WNT3: variants seen among roughly 807,000 people sequenced by gnomAD.
WNT3 encodes the protein proto-oncogene Wnt-3.
A neutral mutation model predicts 34.2 loss-of-function variants in WNT3; 7 were observed. That is an observed-to-expected ratio of 0.20 (90% CI 0.12 to 0.38). The LOEUF is 0.38. Ranked by LOEUF, WNT3 falls within the 10% of genes least tolerant of loss-of-function variation. The pLI, the probability that WNT3 is intolerant of heterozygous loss-of-function variation, is 1.00. For missense variants in WNT3, 267 were observed against 499.8 expected, an observed-to-expected ratio of 0.53 and a Z score of 4.44; for synonymous variants, 212 against 211.5, an observed-to-expected ratio of 1.00 and a Z score of -0.02.
intron 1 of WNT3, among the ~76,000 whole-genome samples, chr17:46,794,528 C>T (rs897673168): frequency 6.6e-6 from 1 of 152,172 alleles, no homozygotes; most frequent in Non-Finnish European, 1.5e-5. Flanking sequence ...CTGAGAAGGG[C>T]TCTTCAAGGC....
At chr17:46,776,773 G>T (rs559193132) in intron 1 of WNT3, among the ~76,000 whole-genome samples, 1 of 152,000 alleles carries the variant, frequency 6.6e-6, no homozygotes, top group South Asian at 2.1e-4. Context: ...GGCTGTCCCC[G>T]CTCCTTCCTC....
intron 2 of WNT3, 131 bp downstream of exon 2, chr17:46,773,537 A>C: frequency 1.1e-5 from 12 of 1,066,132 alleles, no homozygotes; most frequent in East Asian, 1.1e-4. Flanking sequence ...CAGTCATGCA[A>C]CCAAATTTAT....
intron 1 of WNT3, among the ~76,000 whole-genome samples, chr17:46,787,959 A>G (rs1209085177): frequency 7.7e-6 from 1 of 129,520 alleles, no homozygotes; most frequent in Non-Finnish European, 1.6e-5. Flanking sequence ...CTGCCTCAGA[A>G]AAAAAAAAAA....
At chr17:46,808,975 G>A (rs549053389) in intron 1 of WNT3, among the ~76,000 whole-genome samples, 18 of 152,256 alleles carry the variant, frequency 1.2e-4, no homozygotes, top group Admixed American at 9.8e-4. Context: ...AGTGGGGTCC[G>A]AGCTGAGCAG....
rs768082439 is a variant in WNT3, at chr17:46,784,323, G to T, written c.81-10414C>A. On this transcript the variant is annotated intron_variant, in intron 1 of 4. Transcript: ENST00000225512. ...TGGGAACAAGACGAGGAAGTGCGTG[G>T]GGCCAGAGGGACTTCCAGGCACCAC... 1.8e-4 allele frequency among the ~76,000 whole-genome samples: 28 copies of T among 152,164 alleles called. 1 individual carries two copies. The highest frequency in any genetic ancestry group is 5.9e-5 in the Non-Finnish European group (4 of 68,036).
At chr17:46,816,646 G>A (rs1329027810) in intron 1 of WNT3, among the ~76,000 whole-genome samples, 4 of 152,050 alleles carry the variant, frequency 2.6e-5, no homozygotes, top group African/African-American at 9.7e-5. Context: ...TTCCTATTGG[G>A]CAATCCCTAT....
intron 1 of WNT3, among the ~76,000 whole-genome samples, chr17:46,783,194 G>A (rs1463144419): frequency 1.3e-5 from 2 of 152,200 alleles, no homozygotes; most frequent in Non-Finnish European, 2.9e-5. Context: ...TGCAGGCCCT[G>A]AGCTGGGACC....
At chr17:46,805,451 T>TA (rs1469902304) in intron 1 of WNT3, among the ~76,000 whole-genome samples, 2 of 151,154 alleles carry the variant, frequency 1.3e-5, no homozygotes, top group Non-Finnish European at 3.0e-5. Flanking sequence ...CGGGCGCCTA[T>TA]AATCCCAGCT....
chr17:46,812,721 G>A (rs2084292742), intron 1 of WNT3, among the ~76,000 whole-genome samples: 1 of 152,156 alleles, frequency 6.6e-6, no homozygotes, highest in Non-Finnish European at 1.5e-5. Context: ...GCAAAAAGAA[G>A]AAAAGGGGAA....
At chr17:46,787,059 T>TC (rs1163144774) in intron 1 of WNT3, among the ~76,000 whole-genome samples, 1 of 151,924 alleles carries the variant, frequency 6.6e-6, no homozygotes, top group African/African-American at 2.4e-5. Flanking sequence ...CACCTCAGCC[T>TC]CCTGAGTAGC....
At chr17:46,804,190 C>T (rs550016141) in intron 1 of WNT3, among the ~76,000 whole-genome samples, 14 of 152,158 alleles carry the variant, frequency 9.2e-5, no homozygotes, top group African/African-American at 3.4e-4. Context: ...TGGGTTCAAG[C>T]GATTCTCCTG....
At chr17:46,779,232 G>A (rs1449189754) in intron 1 of WNT3, among the ~76,000 whole-genome samples, 3 of 152,168 alleles carry the variant, frequency 2.0e-5, no homozygotes, top group Non-Finnish European at 2.9e-5. Flanking sequence ...CCCGGCATCC[G>A]GAGCTTCCGC....
chr17:46,811,417 G>A (rs905164511), intron 1 of WNT3, among the ~76,000 whole-genome samples: 3 of 152,194 alleles, frequency 2.0e-5, no homozygotes, highest in African/African-American at 7.2e-5. Context: ...TTGACATGAG[G>A]GTATGGGGCC....
At chr17:46,789,966 C>T (rs777903729) in intron 1 of WNT3, among the ~76,000 whole-genome samples, 2 of 152,204 alleles carry the variant, frequency 1.3e-5, no homozygotes, top group African/African-American at 4.8e-5. Flanking sequence ...CCCCCCACGG[C>T]GCTGAGGATG....
chr17:46,780,571 G>A (rs1378238583), intron 1 of WNT3, among the ~76,000 whole-genome samples: 4 of 152,102 alleles, frequency 2.6e-5, no homozygotes, highest in Admixed American at 1.3e-4. Flanking sequence ...GGAGGATCAC[G>A]AGGTCAGGAG....
intron 1 of WNT3, among the ~76,000 whole-genome samples, chr17:46,799,694 C>T (rs143378027): frequency 6.6e-6 from 1 of 152,280 alleles, no homozygotes; most frequent in African/African-American, 2.4e-5. Flanking sequence ...ATGATCTGTC[C>T]GCCTTGGCCT....
chr17:46,778,119 C>T (rs1433121825), intron 1 of WNT3, among the ~76,000 whole-genome samples: 2 of 152,192 alleles, frequency 1.3e-5, no homozygotes, highest in East Asian at 1.9e-4. Flanking sequence ...GCTATGGTTA[C>T]GGTGTGTGTG....
intron 1 of WNT3, among the ~76,000 whole-genome samples, chr17:46,803,975 C>T (rs546158918): frequency 1.4e-3 from 207 of 152,288 alleles, no homozygotes; most frequent in Non-Finnish European, 2.1e-3. Flanking sequence ...CGTGTTTTCC[C>T]TTATGTCCTG....
chr17:46,809,036 T>A (rs1336983313), intron 1 of WNT3, among the ~76,000 whole-genome samples: 2 of 152,102 alleles, frequency 1.3e-5, no homozygotes, highest in Non-Finnish European at 2.9e-5. Context: ...GGCTGCCTTT[T>A]AAAGTCAGAG....
Sources: gnomAD v4.1 joint callset for allele counts (sites outside exome capture counted in the v4.1 genomes callset) on GRCh38, gnomAD v4.1.1 for gene constraint, MANE v1.5 for transcripts, NCBI Gene and HGNC (gene_info 2026-07-23, HGNC 2026-07-21) for gene names.